KMT2C: variants seen among roughly 807,000 people sequenced by gnomAD.
The protein encoded by KMT2C is lysine methyltransferase 2C.
KMT2C carries 88 observed loss-of-function variants against 507.9 expected under a neutral mutation model. The ratio of observed to expected loss-of-function variants is 0.17; its 90% CI spans 0.15 to 0.21. The LOEUF is 0.21. Ranked by LOEUF, KMT2C falls within the 10% of genes least tolerant of loss-of-function variation. The pLI is 1.00. For synonymous variants in KMT2C, 2,049 were observed against 2,080.8 expected (o/e 0.98, Z 0.42); for missense variants, 4,954 against 5,957.8 (o/e 0.83, Z 5.55).
At position 152,162,320 on chromosome 7, in the gene KMT2C, C is replaced by G; in HGVS notation, c.11257G>C (p.Val3753Leu). ...KVEGNAVACP[V>L]SSAQSPPHSA... is the part of the protein sequence containing the mutation. Reference sequence around the variant, plus strand: ...TGGGGAGGACTCTGTGCTGAGGAGACAGGACAGGCTACAGCGTTTCCTTCT... The same window carrying G: ...TGGGGAGGACTCTGTGCTGAGGAGAGAGGACAGGCTACAGCGTTTCCTTCT... The change falls in exon 43 of 59, where the codon GTC becomes CTC. Residue 3753 changes from valine to leucine, a missense_variant. Transcript: ENST00000262189. The G allele has an allele frequency of 6.2e-7, 1 of 1,614,210 alleles. No individual in the cohort carries two copies. Among genetic ancestry groups the G allele is most frequent in the Non-Finnish European group, 8.5e-7 (1 of 1,180,030 alleles).
intron 6 of KMT2C, among the ~76,000 whole-genome samples, chr7:152,299,849 C>A (rs1010106879): frequency 6.6e-6 from 1 of 151,822 alleles, no homozygotes; most frequent in Non-Finnish European, 1.5e-5. Flanking sequence ...TCAAGAAACA[C>A]AAGTTAAATA....
At chr7:152,205,995 CAT>C (rs753929244) in intron 24 of KMT2C, among the ~76,000 whole-genome samples, 3 of 152,136 alleles carry the variant, frequency 2.0e-5, no homozygotes, top group Non-Finnish European at 4.4e-5. Context: ...ACATGGGACA[CAT>C]AGAGCCCTGT....
intron 2 of KMT2C, among the ~76,000 whole-genome samples, chr7:152,345,823 G>A (rs896808008): frequency 2.6e-5 from 4 of 152,022 alleles, no homozygotes; most frequent in African/African-American, 9.7e-5. Context: ...ACATGGCCTA[G>A]AATAGATTTT....
At chr7:152,187,202 A>AC in intron 33 of KMT2C, 60 bp downstream of exon 33, 1 of 1,393,220 alleles carries the variant, frequency 7.2e-7, no homozygotes, top group Non-Finnish European at 1.0e-6. Context: ...GTTAAAAAAA[A>AC]AAAAGGTATT....
rs760370086 is a variant in KMT2C at position 152,181,423 on chromosome 7, G to C, written c.6437C>G (p.Ser2146Cys). 6.2e-7 allele frequency: 1 copy of C among 1,614,052 alleles called. No individual in the cohort carries two copies. The highest frequency in any genetic ancestry group is 8.5e-7 in the Non-Finnish European group (1 of 1,179,998). ...GGACCTAGCTGTTCCTGAAGATTGGGAATAAGAATCTACAACAGGTCGTGG... is the reference window on the plus strand; with the variant it reads ...GGACCTAGCTGTTCCTGAAGATTGGCAATAAGAATCTACAACAGGTCGTGG... Reference protein sequence around the residue: ...GTPRPVVDSYSQSSGTARSNT... With the variant: ...GTPRPVVDSYCQSSGTARSNT... The change falls in exon 36 of 59, where the codon TCC (serine) becomes TGC (cysteine). Residue 2146 changes from serine to cysteine, a missense_variant. Transcript: ENST00000262189.
chr7:152,189,958 G>A (rs532470404), intron 31 of KMT2C, among the ~76,000 whole-genome samples: 23 of 152,246 alleles, frequency 1.5e-4, no homozygotes, highest in Non-Finnish European at 2.4e-4. Flanking sequence ...GGTGAACAGC[G>A]GGCAAGTGAC....
At chr7:152,231,006 G>C (rs1352578826) in intron 16 of KMT2C, among the ~76,000 whole-genome samples, 1 of 152,052 alleles carries the variant, frequency 6.6e-6, no homozygotes, top group Non-Finnish European at 1.5e-5. Flanking sequence ...TAGTAGAGAC[G>C]GGGTTTCACC....
intron 1 of KMT2C, among the ~76,000 whole-genome samples, chr7:152,386,726 G>A (rs1472417697): frequency 3.9e-5 from 6 of 152,302 alleles, no homozygotes; most frequent in Non-Finnish European, 8.8e-5. Context: ...TTGAAATTTC[G>A]GCCACCATAA....
Position 152,162,710 on chromosome 7 carries a change from A to T in KMT2C, c.10867T>A (p.Ser3623Thr). 6.2e-7 allele frequency: 1 copy of T among 1,614,150 alleles called. No individual in the cohort carries two copies. The highest frequency in any genetic ancestry group is 8.5e-7 in the Non-Finnish European group (1 of 1,180,040). Residue 3623 changes from serine to threonine, a missense_variant, in exon 43 of 59, where the codon TCA (serine) becomes ACA (threonine). By Grantham distance (58) the Ser-to-Thr change is moderately conservative (BLOSUM62 1). Transcript: ENST00000262189. The stretch of plus-strand genomic sequence containing the variant: ...GCAGTTATATCTGAATGGGGAGTTG[A>T]TGGAGCCTTGGTGGATTCTGCATCA... ...DDDAESTKAPSTPHSDITAPP... is the reference protein window; with the variant it reads ...DDDAESTKAPTTPHSDITAPP...
chr7:152,272,712 T>C (rs1178980986), intron 7 of KMT2C, among the ~76,000 whole-genome samples: 2 of 152,182 alleles, frequency 1.3e-5, no homozygotes, highest in African/African-American at 4.8e-5. Flanking sequence ...AATGGTGATA[T>C]GATTACATAT....
At chr7:152,253,809 T>C (rs180925039) in intron 9 of KMT2C, among the ~76,000 whole-genome samples, 2 of 152,016 alleles carry the variant, frequency 1.3e-5, no homozygotes. Context: ...ATAGAGAGAG[T>C]GTCCTATCCT....
At chr7:152,171,472 A>C (rs1437344399) in intron 39 of KMT2C, 130 bp from the exon 40 acceptor site, 1 of 580,714 alleles carries the variant, frequency 1.7e-6, no homozygotes, top group East Asian at 3.0e-5. Context: ...TTCTTCATCA[A>C]AACACTAAAG....
At chr7:152,280,494 T>C (rs1056000272) in intron 6 of KMT2C, among the ~76,000 whole-genome samples, 20 of 142,614 alleles carry the variant, frequency 1.4e-4, no homozygotes, top group Admixed American at 3.5e-4. Context: ...GAGGTTGCAG[T>C]GAGCCGAGAC....
At position 152,136,037 on chromosome 7, in the gene KMT2C, TA is replaced by T. The variant is rs2089849136; in HGVS notation, c.*794del. The T allele has an allele frequency of 4.5e-6, 1 of 222,526 alleles. No individual in the cohort carries two copies. Among genetic ancestry groups the T allele is most frequent in the African/African-American group, 2.2e-5 (1 of 44,820 alleles). The allele number at this position is 222,526 out of a possible 1,614,324, so 13.8% of individuals were successfully genotyped here. ...GTAGCATTTGGTCAATAACTATTTTTATACTGTATTTTTTCTCAAAATATTT... is the reference window on the plus strand; with the variant it reads ...GTAGCATTTGGTCAATAACTATTTTTTACTGTATTTTTTCTCAAAATATTT... On this transcript the variant is annotated 3_prime_UTR_variant, in exon 59 of 59. Transcript: ENST00000262189.
chr7:152,148,163 G>A lies in KMT2C; in HGVS notation c.13764C>T (p.Ser4588=), dbSNP rs2091325921. 2 of 1,614,164 alleles carry A rather than the reference G, an allele frequency of 1.2e-6. No homozygotes were observed. Among genetic ancestry groups the A allele is most frequent in the South Asian group, 1.1e-5 (1 of 91,086 alleles). Residue 4588 remains serine (S), a synonymous_variant, in exon 52 of 59, where the codon AGC becomes AGT. Transcript: ENST00000262189. The surrounding 1 kb of genome is among the most constrained non-coding windows in gnomAD (Gnocchi z 7.1). ...GGCAGCGCCTATTGGCATAGCGAGT[G>A]CTCCAGTACAGCCGGCTGGCTTCAT... ...VGYEASRLYW[S]TRYANRRCRY...
intron 51 of KMT2C, among the ~76,000 whole-genome samples, chr7:152,149,530 T>C (rs913022576): frequency 9.9e-5 from 15 of 152,216 alleles, no homozygotes; most frequent in Non-Finnish European, 7.3e-5. Context: ...ATTTGTACAA[T>C]GGAACAGTGT....
chr7:152,207,088 T>C (rs2094328927), intron 24 of KMT2C, among the ~76,000 whole-genome samples: 1 of 152,144 alleles, frequency 6.6e-6, no homozygotes, highest in Admixed American at 6.5e-5. Context: ...CAATAATGAT[T>C]CATTGTGAAG....
chr7:152,221,170 T>C (rs1268070018), intron 22 of KMT2C, among the ~76,000 whole-genome samples: 2 of 152,146 alleles, frequency 1.3e-5, no homozygotes, highest in African/African-American at 4.8e-5. Flanking sequence ...GGCAGGAGAA[T>C]CGCTTGAACC....
At chr7:152,352,244 C>A (rs753955433) in intron 2 of KMT2C, among the ~76,000 whole-genome samples, 1 of 150,824 alleles carries the variant, frequency 6.6e-6, no homozygotes, top group Non-Finnish European at 1.5e-5. Context: ...AGGATATCCC[C>A]GCCTAATAAA....
Sources: gnomAD v4.1 joint callset for allele counts (sites outside exome capture counted in the v4.1 genomes callset) on GRCh38, gnomAD v4.1.1 for gene constraint, Gnocchi (gnomAD v3.1) non-coding constraint, MANE v1.5 for transcripts, NCBI Gene and HGNC (gene_info 2026-07-23, HGNC 2026-07-21) for gene names.